GALM: variants seen among roughly 807,000 people sequenced by gnomAD.
GALM encodes the protein aldose 1-epimerase.
Under a neutral mutation model 37.4 loss-of-function variants are expected in GALM, and 43 were observed. That is an observed-to-expected ratio of 1.15 (90% CI 0.90 to 1.48). The LOEUF (loss-of-function observed/expected upper bound fraction) is 1.48, where lower values mean the gene tolerates loss of function less well. GALM is among the 40% of genes most tolerant of loss of function. GALM has a pLI of 0.00. For missense variants in GALM, 456 were observed against 419.1 expected, an observed-to-expected ratio of 1.09 and a Z score of -0.77; for synonymous variants, 199 against 170.6, an observed-to-expected ratio of 1.17 and a Z score of -1.30.
chr2:38,729,046 T>C (rs552089740), intron 4 of GALM, among the ~76,000 whole-genome samples: 3 of 152,366 alleles, frequency 2.0e-5, no homozygotes, highest in East Asian at 3.8e-4. Flanking sequence ...CCATGGAGGA[T>C]TGGTTCCAGG....
intron 4 of GALM, among the ~76,000 whole-genome samples, chr2:38,710,268 C>A (rs1164851440): frequency 6.6e-6 from 1 of 152,212 alleles, no homozygotes; most frequent in Admixed American, 6.5e-5. Flanking sequence ...TAGGTCCACA[C>A]TTGGAGGAGC....
chr2:38,724,134 G>A (rs1054732499), intron 4 of GALM, among the ~76,000 whole-genome samples: 1 of 152,152 alleles, frequency 6.6e-6, no homozygotes, highest in Non-Finnish European at 1.5e-5. Flanking sequence ...GGCCAGACTG[G>A]TCTTGAACTC....
At chr2:38,679,046 G>C (rs953494401) in intron 2 of GALM, among the ~76,000 whole-genome samples, 1 of 152,112 alleles carries the variant, frequency 6.6e-6, no homozygotes, top group Non-Finnish European at 1.5e-5. Context: ...GAGTGCAGTG[G>C]CGCAATCTTG....
intron 4 of GALM, among the ~76,000 whole-genome samples, chr2:38,727,063 A>T (rs933588983): frequency 2.6e-5 from 4 of 151,770 alleles, no homozygotes; most frequent in African/African-American, 9.7e-5. Context: ...AAAAAATACA[A>T]AAATTGGCTG....
At position 38,733,835 on chromosome 2, in the gene GALM, A is replaced by G; in HGVS notation, c.*270A>G. The G allele has an allele frequency of 2.3e-6, 1 of 435,366 alleles. No individual in the cohort carries two copies. The highest frequency in any genetic ancestry group is 3.4e-5 in the Admixed American group (1 of 29,050). 27.0% of individuals were successfully genotyped at this position (435,366 alleles called of 1,614,324 possible). A position where few individuals can be genotyped will look rare whatever the true frequency, so the allele number is the denominator to read the frequency against. ...CGTCATCTAAGCCCTGACCCTAGCC[A>G]GGGACTCCCATGCTGCTGTTGGCTC... On this transcript the variant is annotated 3_prime_UTR_variant, in exon 7 of 7. Transcript: ENST00000272252.
intron 4 of GALM, among the ~76,000 whole-genome samples, chr2:38,714,765 A>G (rs1477723098): frequency 6.6e-6 from 1 of 152,262 alleles, no homozygotes; most frequent in Non-Finnish European, 1.5e-5. Context: ...GAAGCATGTA[A>G]CAACCAGTAA....
intron 4 of GALM, among the ~76,000 whole-genome samples, chr2:38,706,599 G>C (rs1408120867): frequency 1.3e-5 from 2 of 151,526 alleles, no homozygotes; most frequent in Non-Finnish European, 2.9e-5. Context: ...AGGATTCCTT[G>C]AGCCAGGGAG....
chr2:38,693,642 A>G (rs1006037976), intron 4 of GALM, among the ~76,000 whole-genome samples: 2 of 152,240 alleles, frequency 1.3e-5, no homozygotes, highest in African/African-American at 4.8e-5. Context: ...AAGCTTTATG[A>G]TAATAATAGC....
intron 1 of GALM, among the ~76,000 whole-genome samples, chr2:38,670,127 G>A (rs768196775): frequency 1.3e-4 from 20 of 151,992 alleles, no homozygotes; most frequent in Non-Finnish European, 2.6e-4. Context: ...GCCTCCTAAA[G>A]TGCTGGGATT....
intron 4 of GALM, among the ~76,000 whole-genome samples, chr2:38,719,946 T>C (rs1666343247): frequency 1.3e-5 from 2 of 151,904 alleles, no homozygotes; most frequent in South Asian, 4.2e-4. Context: ...GCGCGTTGGC[T>C]CACACCAACA....
intron 4 of GALM, 77 bp from the exon 5 acceptor site, chr2:38,729,479 G>GT (rs1158367615): frequency 2.3e-6 from 3 of 1,310,628 alleles, no homozygotes; most frequent in Non-Finnish European, 3.2e-6. Flanking sequence ...AGTAGAACCA[G>GT]TGAGCCTTTG....
intron 4 of GALM, among the ~76,000 whole-genome samples, chr2:38,716,066 G>T (rs1217534071): frequency 6.6e-6 from 1 of 152,202 alleles, no homozygotes; most frequent in African/African-American, 2.4e-5. Context: ...CTCCTAGGAG[G>T]GTGGTAACAG....
At chr2:38,726,616 C>T (rs910413389) in intron 4 of GALM, among the ~76,000 whole-genome samples, 1 of 151,962 alleles carries the variant, frequency 6.6e-6, no homozygotes, top group Non-Finnish European at 1.5e-5. Context: ...AAATGCAAGC[C>T]GAAGTAGTCT....
At chr2:38,702,092 T>C (rs897345110) in intron 4 of GALM, among the ~76,000 whole-genome samples, 1 of 152,102 alleles carries the variant, frequency 6.6e-6, no homozygotes, top group African/African-American at 2.4e-5. Context: ...TTTTCTTGTC[T>C]AGATTAGTGC....
At chr2:38,684,880 G>T (rs569043790) in intron 3 of GALM, among the ~76,000 whole-genome samples, 2 of 152,132 alleles carry the variant, frequency 1.3e-5, no homozygotes, top group South Asian at 4.1e-4. Context: ...CAGGTCTGGG[G>T]GAATTCGAGA....
At chr2:38,709,676 G>A (rs1326963387) in intron 4 of GALM, among the ~76,000 whole-genome samples, 2 of 152,136 alleles carry the variant, frequency 1.3e-5, no homozygotes, top group African/African-American at 4.8e-5. Flanking sequence ...TGTGATCTGT[G>A]AAAAATGTAT....
chr2:38,730,995 G>A (rs1479394197), intron 5 of GALM, among the ~76,000 whole-genome samples: 1 of 151,912 alleles, frequency 6.6e-6, no homozygotes, highest in African/African-American at 2.4e-5. Flanking sequence ...GGAGGCTGAG[G>A]TGGTCAGATC....
chr2:38,720,529 C>T (rs1441141374), intron 4 of GALM, among the ~76,000 whole-genome samples: 1 of 151,880 alleles, frequency 6.6e-6, no homozygotes, highest in Non-Finnish European at 1.5e-5. Flanking sequence ...GAAAACATCA[C>T]CTCTTAGATG....
chr2:38,687,296 C>T (rs183277073), intron 3 of GALM, among the ~76,000 whole-genome samples: 2 of 152,312 alleles, frequency 1.3e-5, no homozygotes, highest in African/African-American at 4.8e-5. Flanking sequence ...GGACCTGCTG[C>T]CCCAGCTCAC....
Sources: allele counts gnomAD v4.1 joint callset (sites outside exome capture counted in the v4.1 genomes callset), GRCh38; gene constraint gnomAD v4.1.1; transcripts MANE v1.5; gene names NCBI Gene and HGNC (gene_info 2026-07-23, HGNC 2026-07-21).